Variants in SLC22A23 observed in about 807,000 individuals in gnomAD.
SLC22A23 encodes the protein ion transporter protein.
A neutral mutation model predicts 61.0 loss-of-function variants in SLC22A23; 26 were observed. That is an observed-to-expected ratio of 0.43 (90% CI 0.31 to 0.59). SLC22A23 has a LOEUF of 0.59. SLC22A23 is among the 20% of genes least tolerant of loss of function. The pLI, the probability that SLC22A23 is intolerant of heterozygous loss-of-function variation, is 0.11. For missense variants in SLC22A23, 796 were observed against 934.7 expected (o/e 0.85, Z 1.94); for synonymous variants, 430 against 413.9 (o/e 1.04, Z -0.47).
intron 1 of SLC22A23, among the ~76,000 whole-genome samples, chr6:3,435,956 C>T (rs942619558): frequency 6.6e-6 from 1 of 152,174 alleles, no homozygotes; most frequent in Non-Finnish European, 1.5e-5. Context: ...TCAGGAGAAA[C>T]TGACCCTGCC....
At chr6:3,374,360 T>G (rs539897528) in intron 3 of SLC22A23, among the ~76,000 whole-genome samples, 112 of 152,270 alleles carry the variant, frequency 7.4e-4, no homozygotes, top group Non-Finnish European at 1.4e-3. Flanking sequence ...CACTGGGGAC[T>G]GGGAGGCCTG....
rs1286398612 is a variant in SLC22A23 at position 3,443,965 on chromosome 6, G to C, written c.654+11941C>G. Among the ~76,000 whole-genome samples, 4 of 152,290 alleles carry C rather than the reference G, an allele frequency of 2.6e-5. No individual in the cohort carries two copies. In the East Asian group the frequency reaches 7.7e-4, roughly 29 times the overall value. Reference sequence around the variant, plus strand: ...CTCCCCACCCCACTTTGTGATCTCAGATCCCACCTTCCACCTGCTGCCCTG... The same window carrying C: ...CTCCCCACCCCACTTTGTGATCTCACATCCCACCTTCCACCTGCTGCCCTG... On this transcript the variant is annotated intron_variant, in intron 1 of 9. Coordinates refer to ENST00000406686, the MANE Select transcript of SLC22A23 (RefSeq NM_015482.2).
At chr6:3,397,752 G>C (rs903999021) in intron 3 of SLC22A23, among the ~76,000 whole-genome samples, 5 of 152,094 alleles carry the variant, frequency 3.3e-5, no homozygotes, top group Non-Finnish European at 5.9e-5. Flanking sequence ...CTATATACAT[G>C]CACACATGCT....
In SLC22A23 at chr6:3,269,970, G is replaced by C. The variant is rs1465246758; in HGVS notation, c.*3085C>G. On this transcript the variant is annotated 3_prime_UTR_variant, in exon 10 of 10. Transcript: ENST00000406686. ...TTACCAGCCCGTCTTCCAGATGCAG[G>C]TGATCTTACTCTCAGTAAACAAAAA... 6.5e-6 allele frequency: 1 copy of C among 152,774 alleles called. No individual in the cohort carries two copies. Among genetic ancestry groups the C allele is most frequent in the African/African-American group, 2.4e-5 (1 of 41,458 alleles). 9.5% of individuals were successfully genotyped at this position (152,774 alleles called of 1,614,324 possible). A position where few individuals can be genotyped will look rare whatever the true frequency, so the allele number is the denominator to read the frequency against.
At chr6:3,428,276 C>T (rs1770638670) in intron 1 of SLC22A23, among the ~76,000 whole-genome samples, 2 of 152,238 alleles carry the variant, frequency 1.3e-5, no homozygotes. Flanking sequence ...TCCTCACCCT[C>T]CAGGCTGCTC....
intron 3 of SLC22A23, among the ~76,000 whole-genome samples, chr6:3,362,985 A>G (rs1765576914): frequency 6.6e-6 from 1 of 152,166 alleles, no homozygotes; most frequent in Non-Finnish European, 1.5e-5. Flanking sequence ...GACTGCTCAG[A>G]GCCCAAGGAA....
intron 1 of SLC22A23, among the ~76,000 whole-genome samples, chr6:3,434,502 A>C (rs1379482754): frequency 6.7e-6 from 1 of 149,332 alleles, no homozygotes; most frequent in Non-Finnish European, 1.5e-5. Context: ...CCAGCTACTC[A>C]GGAGGCTGAG....
At chr6:3,282,368 A>T (rs1398168947) in intron 9 of SLC22A23, 2 of 697,522 alleles carry the variant, frequency 2.9e-6, no homozygotes, top group African/African-American at 3.5e-5. Context: ...TAATCATACA[A>T]TGCCTTGGCA....
chr6:3,381,610 G>A lies in SLC22A23; in HGVS notation c.913+28578C>T, dbSNP rs112179861. Among the ~76,000 whole-genome samples the A allele has an allele frequency of 4.1e-4, 62 of 152,248 alleles. 2 individuals are homozygous for A. Among genetic ancestry groups the A allele is most frequent in the African/African-American group, 1.4e-3 (60 of 41,556 alleles). ...CTGTGCTCCCAATCCCAGCTCTACA[G>A]CCTTCCAGCCAAGCAAGCCTGGCCC... On this transcript the variant is annotated intron_variant, in intron 3 of 9. Transcript: ENST00000406686.
intron 1 of SLC22A23, among the ~76,000 whole-genome samples, chr6:3,426,969 G>T (rs1240239285): frequency 2.0e-5 from 3 of 152,252 alleles, no homozygotes; most frequent in Non-Finnish European, 2.9e-5. Flanking sequence ...GCATCGCATG[G>T]TAAGCGAGAG....
Position 3,361,452 on chromosome 6 carries a change from C to G in SLC22A23, c.914-37450G>C, listed in dbSNP as rs187948640. Among the ~76,000 whole-genome samples, 689 of 152,226 alleles carry G rather than the reference C, an allele frequency of 4.5e-3. 5 individuals are homozygous for G. Among genetic ancestry groups the G allele is most frequent in the African/African-American group, 0.015 (629 of 41,534 alleles). ...TGGCCAGGTTAGGAGCAGGATGTCACAGAGAGAGGGGTCCAAAGTTCAGCT... is the reference window on the plus strand; with the variant it reads ...TGGCCAGGTTAGGAGCAGGATGTCAGAGAGAGAGGGGTCCAAAGTTCAGCT... On this transcript the variant is annotated intron_variant, in intron 3 of 9. Coordinates refer to ENST00000406686, the MANE Select transcript of SLC22A23 (RefSeq NM_015482.2).
Position 3,456,498 on chromosome 6 carries a change from G to A in SLC22A23, c.62C>T (p.Ala21Val). ...GGGPGRQPAP[A>V]EENGSLPPGD... ...GGGCGGCAGGGAGCCGTTCTCCTCG[G>A]CCGGGGCCGGCTGCCGCCCAGGCCC... Residue 21 changes from alanine to valine, a missense_variant, in exon 1 of 10, where the codon GCC (alanine) becomes GTC (valine). By Grantham distance (64) the Ala-to-Val change is moderately conservative. Coordinates refer to ENST00000406686, the MANE Select transcript of SLC22A23 (RefSeq NM_015482.2). This position sits in a 1 kb window ranked among gnomAD's most constrained non-coding sequence, Gnocchi z 7.1. The A allele has an allele frequency of 9.3e-7, 1 of 1,074,530 alleles. No homozygotes were observed. The highest frequency in any genetic ancestry group is 1.1e-6 in the Non-Finnish European group (1 of 889,352). 66.6% of individuals were successfully genotyped at this position (1,074,530 alleles called of 1,614,324 possible). A position where few individuals can be genotyped will look rare whatever the true frequency, so the allele number is the denominator to read the frequency against.
intron 3 of SLC22A23, among the ~76,000 whole-genome samples, chr6:3,399,260 A>G (rs1326077482): frequency 2.0e-5 from 3 of 152,190 alleles, no homozygotes; most frequent in Non-Finnish European, 2.9e-5. Flanking sequence ...GTGCAAAACA[A>G]GGCACTGCCC....
intron 3 of SLC22A23, among the ~76,000 whole-genome samples, chr6:3,373,294 G>A (rs981869645): frequency 1.3e-5 from 2 of 152,238 alleles, no homozygotes; most frequent in South Asian, 2.1e-4. Flanking sequence ...GTGTGACTCC[G>A]CTGGGAGAAG....
intron 4 of SLC22A23, chr6:3,323,375 A>G (rs1380940745): frequency 8.7e-6 from 4 of 457,424 alleles, no homozygotes; most frequent in Non-Finnish European, 1.8e-5. Context: ...ACAAAAACAG[A>G]CAGTGGGCCT....
intron 5 of SLC22A23, among the ~76,000 whole-genome samples, chr6:3,292,193 AT>A (rs1581626637): frequency 6.6e-6 from 1 of 152,222 alleles, no homozygotes; most frequent in African/African-American, 2.4e-5. Flanking sequence ...CTTCCGCAGC[AT>A]TATATCTGTT....
At chr6:3,366,774 C>G (rs975980504) in intron 3 of SLC22A23, among the ~76,000 whole-genome samples, 1 of 152,158 alleles carries the variant, frequency 6.6e-6, no homozygotes, top group African/African-American at 2.4e-5. Context: ...CTCCCGACCT[C>G]ATCCCCAGCA....
rs1185845817 is a variant in SLC22A23 at position 3,414,751 on chromosome 6, A to G, written c.758+1001T>C. Among the ~76,000 whole-genome samples, 3 of 146,892 alleles carry G rather than the reference A, an allele frequency of 2.0e-5. No individual in the cohort carries two copies. The highest frequency in any genetic ancestry group is 3.0e-5 in the Non-Finnish European group (2 of 66,508). On this transcript the variant is annotated intron_variant, in intron 2 of 9. Transcript: ENST00000406686. The surrounding 1 kb of genome is among the most constrained non-coding windows in gnomAD (Gnocchi z 5.1). The stretch of plus-strand genomic sequence containing the variant: ...AAAAAAAAAAAAAAAAAAATCCTTT[A>G]AAGATAAAAGAATGTAAGCTGGGGA...
intron 3 of SLC22A23, among the ~76,000 whole-genome samples, chr6:3,393,683 G>A (rs751856507): frequency 1.7e-4 from 26 of 152,320 alleles, no homozygotes; most frequent in Non-Finnish European, 3.2e-4. Context: ...ATTGCTCCAC[G>A]CCTTTGTCCA....
Sources: gnomAD v4.1 joint callset for allele counts (sites outside exome capture counted in the v4.1 genomes callset) on GRCh38, gnomAD v4.1.1 for gene constraint, Gnocchi (gnomAD v3.1) non-coding constraint, MANE v1.5 for transcripts, NCBI Gene and HGNC (gene_info 2026-07-23, HGNC 2026-07-21) for gene names.